The following EYA3 variants were observed in gnomAD, a reference collection of about 807,000 sequenced individuals.
EYA3 encodes EYA transcriptional coactivator and phosphatase 3, also known as protein phosphatase EYA3.
EYA3 carries 39 observed loss-of-function variants against 80.0 expected under a neutral mutation model. That is an observed-to-expected ratio of 0.49 (90% confidence interval 0.38 to 0.64). EYA3 has a LOEUF of 0.64. Ranked by LOEUF, EYA3 falls within the 30% of genes least tolerant of loss-of-function variation. The pLI, the probability that EYA3 is intolerant of heterozygous loss-of-function variation, is 0.00. For synonymous variants in EYA3, 206 were observed against 232.8 expected, an observed-to-expected ratio of 0.88 and a Z score of 1.05; for missense variants, 523 against 676.1, an observed-to-expected ratio of 0.77 and a Z score of 2.51.
In EYA3 at chr1:27,972,254, C is replaced by T. The variant is rs1245641738; in HGVS notation, c.*2212G>A. ...GGCCTCAGAGTAAAACCTAGAGCTT[C>T]CTAAGATCAACCATCAAACAAGGCA... is the stretch of plus-strand genomic sequence containing the variant. On this transcript the variant is annotated 3_prime_UTR_variant, in exon 18 of 18. Transcript: ENST00000373871. The T allele has an allele frequency of 6.6e-6, 1 of 152,178 alleles. No individual in the cohort carries two copies. The highest frequency in any genetic ancestry group is 2.4e-5 in the African/African-American group (1 of 41,416). 9.4% of individuals were successfully genotyped at this position (152,178 alleles called of 1,614,324 possible).
At chr1:28,029,406 T>G (rs1000352805) in intron 6 of EYA3, among the ~76,000 whole-genome samples, 2 of 152,202 alleles carry the variant, frequency 1.3e-5, no homozygotes, top group African/African-American at 4.8e-5. Flanking sequence ...TTTTCCTCTG[T>G]GGTCTGTCAC....
chr1:28,038,855 G>A lies in EYA3; in HGVS notation c.208C>T (p.Gln70Ter). ...IPRSSNDYTS[Q>*]MYSAKPYAHI... ...TCAACTTACTTTGCAGAATACATTTGTGAGGTATAATCATTGGATGAGCGA... is the reference window on the plus strand; with the variant it reads ...TCAACTTACTTTGCAGAATACATTTATGAGGTATAATCATTGGATGAGCGA... The change falls in exon 5 of 18, where the codon CAA (glutamine) becomes TAA (stop). Residue 70 changes from glutamine to a stop codon, truncating the protein, a stop_gained. Coordinates refer to ENST00000373871, the MANE Select transcript of EYA3 (RefSeq NM_001990.4). LOFTEE classifies it high-confidence loss of function. The A allele has an allele frequency of 6.3e-7, 1 of 1,590,560 alleles. No homozygotes were observed. Among genetic ancestry groups the A allele is most frequent in the Non-Finnish European group, 8.6e-7 (1 of 1,165,120 alleles).
chr1:28,030,163 A>T (rs1242846105), intron 6 of EYA3, among the ~76,000 whole-genome samples: 1 of 152,216 alleles, frequency 6.6e-6, no homozygotes, highest in Non-Finnish European at 1.5e-5. Flanking sequence ...GAGAATGAGA[A>T]CCTCTGCTTC....
Position 27,978,483 on chromosome 1 carries a change from A to C in EYA3, c.1541-9T>G. 1 of 1,609,806 alleles carries C rather than the reference A, an allele frequency of 6.2e-7. No homozygotes were observed. The highest frequency in any genetic ancestry group is 1.7e-5 in the Admixed American group (1 of 59,908). On this transcript the variant is annotated splice_polypyrimidine_tract_variant and intron_variant, in intron 16 of 17. Coordinates refer to ENST00000373871, the MANE Select transcript of EYA3 (RefSeq NM_001990.4). ...AAAGCAGCTCTCCTTACCTGATGAG[A>C]AAAAGAAATTTCCTGTTAGAATACT...
chr1:27,978,193 T>TA (rs1361734557), intron 17 of EYA3, among the ~76,000 whole-genome samples, 181 bp downstream of exon 17: 1 of 151,990 alleles, frequency 6.6e-6, no homozygotes, highest in East Asian at 1.9e-4. Flanking sequence ...TCTAAAAACT[T>TA]AAGAGGAAAA....
chr1:28,060,128 G>A (rs993206236), intron 1 of EYA3, among the ~76,000 whole-genome samples: 14 of 152,294 alleles, frequency 9.2e-5, no homozygotes, highest in South Asian at 4.1e-4. Flanking sequence ...TTTTCAGCAA[G>A]GGAGATAAAA....
At chr1:28,075,731 C>T (rs1460142930) in intron 1 of EYA3, among the ~76,000 whole-genome samples, 1 of 152,152 alleles carries the variant, frequency 6.6e-6, no homozygotes, top group Non-Finnish European at 1.5e-5. Context: ...AGGTACCCTT[C>T]AGTTCTTCAT....
intron 1 of EYA3, among the ~76,000 whole-genome samples, chr1:28,068,351 T>A (rs2148923057): frequency 6.9e-6 from 1 of 145,646 alleles, no homozygotes. Context: ...AAAAAAAAAA[T>A]TACATTCCTA....
intron 5 of EYA3, 51 bp from the exon 6 acceptor site, chr1:28,035,731 GA>G: frequency 6.4e-7 from 1 of 1,564,040 alleles, no homozygotes; most frequent in Non-Finnish European, 8.8e-7. Flanking sequence ...CTTTAGTAAC[GA>G]AAAATAGGTA....
At chr1:28,073,123 A>ATT (rs1571957496) in intron 1 of EYA3, among the ~76,000 whole-genome samples, 33 of 41,102 alleles carry the variant, frequency 8.0e-4, no homozygotes, top group African/African-American at 2.3e-3. Flanking sequence ...ATATATATAT[A>ATT]TATATTTTTT....
chr1:28,066,887 A>C (rs1186353006), intron 1 of EYA3, among the ~76,000 whole-genome samples: 1 of 152,208 alleles, frequency 6.6e-6, no homozygotes. Flanking sequence ...GGATAAAAAC[A>C]GGCAGTTTAA....
intron 7 of EYA3, among the ~76,000 whole-genome samples, chr1:28,018,791 A>G (rs889598709): frequency 2.0e-5 from 3 of 152,220 alleles, no homozygotes; most frequent in African/African-American, 7.2e-5. Flanking sequence ...ATGGAAGATA[A>G]CCAAAATGAC....
At chr1:27,989,847 C>G in intron 14 of EYA3, 36 bp from the exon 15 acceptor site, 1 of 1,390,718 alleles carries the variant, frequency 7.2e-7, no homozygotes, top group Non-Finnish European at 1.0e-6. Context: ...TATCATTTGA[C>G]AACATATATT....
chr1:28,062,657 G>GGGGTGTGTGTGTGTGTGTGTGTGTGTGT (rs111612303), intron 1 of EYA3, among the ~76,000 whole-genome samples: 2 of 141,626 alleles, frequency 1.4e-5, no homozygotes, highest in South Asian at 4.6e-4. Context: ...AATATATGTA[G>GGGGTGTGTGTGTGTGTGTGTGTGTGTGT]GTGTGTGTGT....
chr1:28,055,955 T>C (rs931542806), intron 2 of EYA3, among the ~76,000 whole-genome samples: 1 of 152,062 alleles, frequency 6.6e-6, no homozygotes, highest in Non-Finnish European at 1.5e-5. Context: ...GACCATTCTT[T>C]CCACTCATAT....
At chr1:28,044,434 C>T (rs1643928146) in intron 3 of EYA3, among the ~76,000 whole-genome samples, 2 of 152,186 alleles carry the variant, frequency 1.3e-5, no homozygotes, top group Admixed American at 1.3e-4. Context: ...ACAGTAAGCA[C>T]ACTTTAACTG....
chr1:27,993,523 C>A lies in EYA3; in HGVS notation c.1180G>T (p.Gly394Ter), dbSNP rs1030969195. Reference sequence around the variant, plus strand: ...GATGAACCATGGCTGCCACTACCTCCTGAGCCACTGAAACCATCTGTTGAG... The same window carrying A: ...GATGAACCATGGCTGCCACTACCTCATGAGCCACTGAAACCATCTGTTGAG... ...SFSTDGFSGS[G>*]GSGSHGSSVG... is the part of the protein sequence containing the mutation. The change falls in exon 14 of 18, where the codon GGA becomes TGA. Residue 394 changes from glycine (G) to a stop codon, truncating the protein, a stop_gained. Coordinates refer to ENST00000373871, the MANE Select transcript of EYA3 (RefSeq NM_001990.4). LOFTEE classifies it high-confidence loss of function. 6.2e-7 allele frequency: 1 copy of A among 1,608,946 alleles called. No homozygotes were observed. Among genetic ancestry groups the A allele is most frequent in the African/African-American group, 1.3e-5 (1 of 74,656 alleles).
chr1:28,082,702 T>C (rs575211383), intron 1 of EYA3, among the ~76,000 whole-genome samples: 1 of 152,284 alleles, frequency 6.6e-6, no homozygotes, highest in African/African-American at 2.4e-5. Context: ...TAAATTCATA[T>C]GGGAATGGTA....
At chr1:28,046,756 G>A (rs1432479228) in intron 3 of EYA3, among the ~76,000 whole-genome samples, 1 of 152,140 alleles carries the variant, frequency 6.6e-6, no homozygotes, top group Non-Finnish European at 1.5e-5. Flanking sequence ...GTTTTGCTAG[G>A]CAAGTATGAC....
Sources: gnomAD v4.1 joint callset for allele counts (sites outside exome capture counted in the v4.1 genomes callset) on GRCh38, gnomAD v4.1.1 for gene constraint, MANE v1.5 for transcripts, NCBI Gene and HGNC (gene_info 2026-07-23, HGNC 2026-07-21) for gene names.